Variants in BCO1 observed in about 807,000 individuals in gnomAD.
BCO1 encodes beta,beta-carotene 15,15'-dioxygenase.
A neutral mutation model predicts 56.3 loss-of-function variants in BCO1; 54 were observed. The observed-to-expected ratio is 0.96, with a 90% CI of 0.77 to 1.20. The LOEUF is 1.20. BCO1 is among the 50% of genes most tolerant of loss of function. The pLI is 0.00. For missense variants in BCO1, 801 were observed against 690.9 expected, an observed-to-expected ratio of 1.16 and a Z score of -1.79; for synonymous variants, 318 against 266.1, an observed-to-expected ratio of 1.20 and a Z score of -1.90.
At chr16:81,288,677 A>G (rs1908311047) in intron 10 of BCO1, among the ~76,000 whole-genome samples, 1 of 152,220 alleles carries the variant, frequency 6.6e-6, no homozygotes, top group South Asian at 2.1e-4. Flanking sequence ...ACTTGACTGA[A>G]TGATGCTTTC....
chr16:81,273,234 C>T (rs1229068388), intron 7 of BCO1, among the ~76,000 whole-genome samples: 2 of 152,116 alleles, frequency 1.3e-5, no homozygotes, highest in East Asian at 1.9e-4. Flanking sequence ...CCACCCACCT[C>T]GGCCTTCCAA....
intron 8 of BCO1, 28 bp downstream of exon 8, chr16:81,280,990 T>C: frequency 6.5e-7 from 1 of 1,547,068 alleles, no homozygotes; most frequent in South Asian, 1.1e-5. Flanking sequence ...GTCCTGAGTT[T>C]AGGAAAGGGG....
intron 5 of BCO1, 39 bp from the exon 6 acceptor site, chr16:81,267,869 T>C (rs929304311): frequency 1.3e-6 from 2 of 1,587,460 alleles, no homozygotes; most frequent in Admixed American, 1.7e-5. Context: ...GGCAGCCAGA[T>C]CCTGCACAAT....
At position 81,287,372 on chromosome 16, in the gene BCO1, T is replaced by A. The variant is rs747094348; in HGVS notation, c.1380T>A (p.Phe460Leu). 6.2e-7 allele frequency: 1 copy of A among 1,614,066 alleles called. No homozygotes were observed. Among genetic ancestry groups the A allele is most frequent in the South Asian group, 1.1e-5 (1 of 91,068 alleles). ...EDDCWPAEPL[F>L]VPAPGAKDED... ...ACTGCTGGCCAGCGGAACCCCTGTT[T>A]GTGCCCGCGCCAGGTGCCAAGGATG... The change falls in exon 10 of 11, where the codon TTT becomes TTA. Residue 460 changes from phenylalanine (F) to leucine (L), a missense_variant. Physicochemically the swap from Phe to Leu is conservative, Grantham distance 22. Transcript: ENST00000258168.
intron 2 of BCO1, among the ~76,000 whole-genome samples, chr16:81,251,038 G>A (rs956412398): frequency 1.3e-5 from 2 of 152,132 alleles, no homozygotes; most frequent in African/African-American, 4.8e-5. Flanking sequence ...GGCTGCCCAG[G>A]CCTAACCAAA....
chr16:81,270,076 G>C (rs753085910), intron 6 of BCO1, 83 bp from the exon 7 acceptor site: 2 of 1,557,606 alleles, frequency 1.3e-6, no homozygotes, highest in African/African-American at 1.4e-5. Context: ...TCCTGGCGGG[G>C]CTGGGTTTTG....
intron 7 of BCO1, among the ~76,000 whole-genome samples, chr16:81,276,371 C>G (rs1337079437): frequency 1.3e-5 from 2 of 152,186 alleles, no homozygotes; most frequent in African/African-American, 4.8e-5. Context: ...GTGCTGGACA[C>G]CTGGGATCCC....
intron 7 of BCO1, among the ~76,000 whole-genome samples, chr16:81,272,574 A>C (rs1907301364): frequency 1.3e-5 from 2 of 152,130 alleles, no homozygotes; most frequent in Non-Finnish European, 2.9e-5. Context: ...CCGTTCTTGC[A>C]CTAAGAATGA....
chr16:81,290,588 GT>G lies in BCO1; in HGVS notation c.*14del. The stretch of plus-strand genomic sequence containing the variant: ...GCTCCTCTGACCTGATGGTGTTGGG[GT>G]TTGGGTAGGGGAGGGGAGCTCGGCT... On this transcript the variant is annotated 3_prime_UTR_variant, in exon 11 of 11. Transcript: ENST00000258168. 4 of 1,607,066 alleles carry G rather than the reference GT, an allele frequency of 2.5e-6. No homozygotes were observed. The highest frequency in any genetic ancestry group is 3.4e-6 in the Non-Finnish European group (4 of 1,176,232).
intron 2 of BCO1, 22 bp from the exon 3 acceptor site, chr16:81,259,654 T>C: frequency 6.2e-7 from 1 of 1,614,238 alleles, no homozygotes. Context: ...AGCCTGAGAT[T>C]ATGCTGGTTC....
rs998568863 is a variant in BCO1 at position 81,238,782 on chromosome 16, A to G, written c.-127A>G. ...AGGCAGAAACGGCATCAGGAGAGACAGAGATGTGAAGGAGGGAAGGAGCAG... is the reference window on the plus strand; with the variant it reads ...AGGCAGAAACGGCATCAGGAGAGACGGAGATGTGAAGGAGGGAAGGAGCAG... On this transcript the variant is annotated 5_prime_UTR_variant, in exon 1 of 11. Coordinates refer to ENST00000258168, the MANE Select transcript of BCO1 (RefSeq NM_017429.3). 4 of 833,874 alleles carry G rather than the reference A, an allele frequency of 4.8e-6. No homozygotes were observed. In the African/African-American group the frequency reaches 6.7e-5, roughly 14 times the overall value. The allele number at this position is 833,874 out of a possible 1,614,324, so 51.7% of individuals were successfully genotyped here. A position where few individuals can be genotyped will look rare whatever the true frequency, so the allele number is the denominator to read the frequency against.
chr16:81,260,063 C>T (rs905657559), intron 3 of BCO1, among the ~76,000 whole-genome samples: 2 of 152,134 alleles, frequency 1.3e-5, no homozygotes, highest in African/African-American at 2.4e-5. Context: ...ATTATAAATG[C>T]GTATTCCCTT....
At position 81,287,347 on chromosome 16, in the gene BCO1, A is replaced by G. The variant is rs143876304; in HGVS notation, c.1355A>G (p.Asp452Gly). The G allele has an allele frequency of 1.1e-5, 17 of 1,614,162 alleles. No homozygotes were observed. The highest frequency in any genetic ancestry group is 1.7e-4 in the Middle Eastern group (1 of 6,054). The change falls in exon 10 of 11, where the codon GAC (aspartate) becomes GGC (glycine). Residue 452 changes from aspartate to glycine, a missense_variant. By Grantham distance (94) the Asp-to-Gly change is moderately conservative. Transcript: ENST00000258168. ...TKSSLKWRED[D>G]CWPAEPLFVP... ...TCATCCTTAAAATGGAGAGAGGACG[A>G]CTGCTGGCCAGCGGAACCCCTGTTT...
At chr16:81,273,170 A>T (rs1372589754) in intron 7 of BCO1, among the ~76,000 whole-genome samples, 1 of 152,050 alleles carries the variant, frequency 6.6e-6, no homozygotes, top group Non-Finnish European at 1.5e-5. Flanking sequence ...TTTAGTAGAG[A>T]TGGGGTTTCA....
chr16:81,254,270 G>A (rs59453997), intron 2 of BCO1, among the ~76,000 whole-genome samples: 2,462 of 149,886 alleles, frequency 0.016, 63 homozygotes, highest in African/African-American at 0.057. Context: ...CTGGGACTAT[G>A]GGTGCGTGCC....
At chr16:81,274,590 A>G (rs893229034) in intron 7 of BCO1, among the ~76,000 whole-genome samples, 3 of 150,624 alleles carry the variant, frequency 2.0e-5, no homozygotes, top group African/African-American at 7.3e-5. Context: ...TTTAAAAGCC[A>G]TCAGGTGTTC....
Position 81,270,269 on chromosome 16 carries a change from C to A in BCO1, c.954C>A (p.Cys318Ter). 6.2e-7 allele frequency: 1 copy of A among 1,614,226 alleles called. No homozygotes were observed. The highest frequency in any genetic ancestry group is 8.5e-7 in the Non-Finnish European group (1 of 1,180,046). The change falls in exon 7 of 11, where the codon TGC (cysteine) becomes TGA (stop). Residue 318 changes from cysteine to a stop codon, truncating the protein, a stop_gained. Transcript: ENST00000258168. LOFTEE classifies it high-confidence loss of function. ...HHVNAYEEDG[C>*]IVFDVIAYED... ...TCAACGCCTACGAAGAGGACGGCTG[C>A]ATCGTGTTTGACGTCATTGCCTACG...
chr16:81,249,818 C>G (rs751769825), intron 2 of BCO1, among the ~76,000 whole-genome samples: 5 of 152,206 alleles, frequency 3.3e-5, no homozygotes, highest in Admixed American at 6.5e-5. Context: ...TCTGAGGGTT[C>G]ATGCCCCATT....
At chr16:81,249,074 T>A (rs1334681667) in intron 2 of BCO1, among the ~76,000 whole-genome samples, 3 of 148,950 alleles carry the variant, frequency 2.0e-5, no homozygotes, top group Non-Finnish European at 4.4e-5. Flanking sequence ...TGCCAGCTCC[T>A]CCATGGTCTC....
Sources: gnomAD v4.1 joint callset for allele counts (sites outside exome capture counted in the v4.1 genomes callset) on GRCh38, gnomAD v4.1.1 for gene constraint, MANE v1.5 for transcripts, NCBI Gene and HGNC (gene_info 2026-07-23, HGNC 2026-07-21) for gene names.